PEBP4: variants seen among roughly 807,000 people sequenced by gnomAD.
PEBP4 encodes the protein phosphatidylethanolamine binding protein 4.
In PEBP4, 22 loss-of-function variants were observed where a neutral mutation model predicts 23.9. The ratio of observed to expected loss-of-function variants is 0.92; its 90% CI spans 0.66 to 1.31. The LOEUF (loss-of-function observed/expected upper bound fraction) is 1.31, where lower values mean the gene tolerates loss of function less well. PEBP4 is among the 40% of genes most tolerant of loss of function. The pLI, the probability that PEBP4 is intolerant of heterozygous loss-of-function variation, is 0.00. For synonymous variants in PEBP4, 112 were observed against 99.3 expected, an observed-to-expected ratio of 1.13 and a Z score of -0.76; for missense variants, 324 against 281.7, an observed-to-expected ratio of 1.15 and a Z score of -1.07.
intron 3 of PEBP4, among the ~76,000 whole-genome samples, chr8:22,888,607 C>G (rs1012151270): frequency 1.3e-5 from 2 of 152,226 alleles, no homozygotes; most frequent in Admixed American, 6.5e-5. Context: ...GGCACTGGTA[C>G]CGCATCCCCA....
intron 3 of PEBP4, among the ~76,000 whole-genome samples, chr8:22,901,683 C>A (rs1252685610): frequency 6.6e-6 from 1 of 152,186 alleles, no homozygotes; most frequent in Non-Finnish European, 1.5e-5. Flanking sequence ...GATTTGCAGG[C>A]TGTGTAGGAG....
At chr8:22,842,937 C>T (rs1807357966) in intron 3 of PEBP4, among the ~76,000 whole-genome samples, 2 of 152,222 alleles carry the variant, frequency 1.3e-5, no homozygotes, top group South Asian at 4.1e-4. Context: ...AAGTGATTCT[C>T]ATGCCTCAGC....
intron 3 of PEBP4, among the ~76,000 whole-genome samples, chr8:22,852,875 T>C (rs1043732619): frequency 1.3e-5 from 2 of 152,206 alleles, no homozygotes; most frequent in Admixed American, 1.3e-4. Context: ...TGTGTTCATT[T>C]CTATCACACT....
At chr8:22,856,907 C>A (rs1042295028) in intron 3 of PEBP4, among the ~76,000 whole-genome samples, 4 of 151,866 alleles carry the variant, frequency 2.6e-5, no homozygotes, top group African/African-American at 9.7e-5. Context: ...AGAAACAACT[C>A]AATGTCCAAC....
chr8:22,801,060 A>G (rs1278226600), intron 4 of PEBP4, among the ~76,000 whole-genome samples: 4 of 152,024 alleles, frequency 2.6e-5, no homozygotes, highest in Non-Finnish European at 5.9e-5. Flanking sequence ...CTTCTTCTAC[A>G]CTGCCCCCAG....
chr8:22,812,837 C>A (rs1320600300), intron 4 of PEBP4, among the ~76,000 whole-genome samples: 2 of 152,126 alleles, frequency 1.3e-5, no homozygotes, highest in Non-Finnish European at 2.9e-5. Context: ...ATACACGTGC[C>A]GCTTCCTATA....
At chr8:22,861,917 A>G (rs1807785729) in intron 3 of PEBP4, among the ~76,000 whole-genome samples, 1 of 152,042 alleles carries the variant, frequency 6.6e-6, no homozygotes, top group Admixed American at 6.5e-5. Context: ...TTGTGAGGAG[A>G]GTTTGAGCGG....
intron 4 of PEBP4, among the ~76,000 whole-genome samples, chr8:22,813,685 C>T (rs191375150): frequency 2.6e-4 from 39 of 152,298 alleles, no homozygotes; most frequent in Admixed American, 7.2e-4. Context: ...ACACTGCAGT[C>T]GGGGAGAAAG....
upstream of PEBP4, among the ~76,000 whole-genome samples, chr8:22,932,658 G>A (rs1019158858): frequency 6.6e-6 from 1 of 151,824 alleles, no homozygotes; most frequent in African/African-American, 2.4e-5. Context: ...ACTGCACCCT[G>A]GGTGAGAGAA....
rs181728135 is a variant in PEBP4, at chr8:22,841,885, A to G, written c.259-24150T>C. 2.0e-5 allele frequency among the ~76,000 whole-genome samples: 3 copies of G among 152,360 alleles called. No homozygotes were observed. The East Asian group carries it at 5.8e-4, about 29-fold the overall frequency. The stretch of plus-strand genomic sequence containing the variant: ...CACTGCCTTCGCAGAGAACCATCGT[A>G]GGCCTGCCTAGGAGTGCTGTCTTTG... On this transcript the variant is annotated intron_variant, in intron 3 of 6. Transcript: ENST00000256404.
intron 4 of PEBP4, among the ~76,000 whole-genome samples, chr8:22,739,431 C>T (rs924552615): frequency 5.3e-5 from 8 of 152,192 alleles, no homozygotes; most frequent in Admixed American, 1.3e-4. Context: ...GGCACCCAGT[C>T]TTTCCGGCTG....
At chr8:22,835,863 C>T (rs953829664) in intron 3 of PEBP4, among the ~76,000 whole-genome samples, 1 of 152,244 alleles carries the variant, frequency 6.6e-6, no homozygotes, top group Non-Finnish European at 1.5e-5. Context: ...CAATGACCGG[C>T]TCTTCAGGCA....
At chr8:22,920,332 T>TGCC in intron 2 of PEBP4, 22 bp from the exon 3 acceptor site, 1 of 1,601,264 alleles carries the variant, frequency 6.2e-7, no homozygotes, top group East Asian at 2.2e-5. Context: ...GAGGGGAGGT[T>TGCC]GCCCTGTGTC....
intron 3 of PEBP4, among the ~76,000 whole-genome samples, chr8:22,863,563 C>T (rs1045874471): frequency 2.6e-5 from 4 of 152,106 alleles, no homozygotes; most frequent in African/African-American, 9.7e-5. Flanking sequence ...GTCCTGCCTC[C>T]CTGCATCCTT....
At chr8:22,817,312 A>G (rs968656129) in intron 4 of PEBP4, among the ~76,000 whole-genome samples, 6 of 152,232 alleles carry the variant, frequency 3.9e-5, no homozygotes, top group African/African-American at 1.4e-4. Context: ...AGTGTGAGTC[A>G]GTTGTTAAAT....
chr8:22,790,444 G>A (rs1240057353), intron 4 of PEBP4, among the ~76,000 whole-genome samples: 4 of 152,154 alleles, frequency 2.6e-5, no homozygotes, highest in East Asian at 1.9e-4. Flanking sequence ...GATTTGAACC[G>A]TGCCTTGGCA....
chr8:22,749,902 G>A (rs777986746), intron 4 of PEBP4, among the ~76,000 whole-genome samples: 10 of 148,644 alleles, frequency 6.7e-5, no homozygotes, highest in Non-Finnish European at 1.0e-4. Context: ...TGCCTCCTAG[G>A]TTCAAGCGAT....
At chr8:22,878,218 G>C (rs1472775827) in intron 3 of PEBP4, 1 of 151,266 alleles carries the variant, frequency 6.6e-6, no homozygotes, top group African/African-American at 2.4e-5. Flanking sequence ...CATGGAGAGG[G>C]AGGGGGAGAG....
At chr8:22,885,530 C>T (rs182044369) in intron 3 of PEBP4, 5 of 152,288 alleles carry the variant, frequency 3.3e-5, no homozygotes, top group African/African-American at 4.8e-5. Flanking sequence ...GTGAGTCCTC[C>T]GAGTATGTGA....
Sources: allele counts gnomAD v4.1 joint callset (sites outside exome capture counted in the v4.1 genomes callset), GRCh38; gene constraint gnomAD v4.1.1; transcripts MANE v1.5; gene names NCBI Gene and HGNC (gene_info 2026-07-23, HGNC 2026-07-21).